Variants in PTPRN2 observed in about 807,000 individuals in gnomAD.
PTPRN2 encodes receptor-type tyrosine-protein phosphatase N2.
In PTPRN2, 74 loss-of-function variants were observed where a neutral mutation model predicts 118.8. That is an observed-to-expected ratio of 0.62 (90% CI 0.52 to 0.76). The LOEUF (loss-of-function observed/expected upper bound fraction) is 0.76, where lower values mean the gene tolerates loss of function less well. Among genes scored for constraint, PTPRN2 ranks in the 30% least tolerant of loss-of-function variants. The probability of loss-of-function intolerance (pLI) is 0.00; values close to 1 mark genes in which losing one functional copy is unlikely to be tolerated. For missense variants in PTPRN2, 1,481 were observed against 1,394.4 expected (o/e 1.06, Z -0.99); for synonymous variants, 641 against 608.0 (o/e 1.05, Z -0.80).
intron 2 of PTPRN2, among the ~76,000 whole-genome samples, chr7:158,379,133 C>T (rs1810766032): frequency 1.3e-5 from 2 of 152,118 alleles, no homozygotes; most frequent in Non-Finnish European, 2.9e-5. Context: ...GGAGAGCCCC[C>T]AGAGTGGGGA....
intron 2 of PTPRN2, among the ~76,000 whole-genome samples, chr7:158,480,094 C>A (rs1228165270): frequency 1.3e-5 from 2 of 152,156 alleles, no homozygotes; most frequent in East Asian, 1.9e-4. Flanking sequence ...AGGAGCACGA[C>A]CTTCCTAGGA....
At chr7:157,711,832 A>G (rs912925500) in intron 12 of PTPRN2, among the ~76,000 whole-genome samples, 4 of 151,478 alleles carry the variant, frequency 2.6e-5, no homozygotes, top group African/African-American at 9.7e-5. Context: ...CATTTAGTGC[A>G]TATATTCCTT....
chr7:158,067,004 G>C (rs117827085), intron 11 of PTPRN2, among the ~76,000 whole-genome samples: 5 of 152,296 alleles, frequency 3.3e-5, no homozygotes, highest in Non-Finnish European at 7.4e-5. Context: ...AGGTTGAAAG[G>C]TTAGAGCTGG....
intron 12 of PTPRN2, among the ~76,000 whole-genome samples, chr7:157,804,218 T>A (rs1158039474): frequency 1.3e-5 from 2 of 152,240 alleles, no homozygotes; most frequent in Non-Finnish European, 2.9e-5. Flanking sequence ...CATAGTTTGG[T>A]GGCATACAGC....
intron 12 of PTPRN2, among the ~76,000 whole-genome samples, chr7:157,783,089 C>T (rs1470410896): frequency 6.6e-6 from 1 of 152,166 alleles, no homozygotes; most frequent in African/African-American, 2.4e-5. Context: ...CCCCTTTGCT[C>T]GGCACTTCTC....
chr7:158,521,601 G>C lies in PTPRN2; in HGVS notation c.113-31816C>G, dbSNP rs868402613. ...GGGGGAGGTCCACGTCACAATGGTG[G>C]ACTGTCCAGGTAGTGGCTCAGGAGG... On this transcript the variant is annotated intron_variant, in intron 1 of 22. Transcript: ENST00000389418. Among the ~76,000 whole-genome samples the C allele has an allele frequency of 1.9e-4, 25 of 130,712 alleles. 2 individuals are homozygous for C. Among genetic ancestry groups the C allele is most frequent in the Admixed American group, 3.9e-4 (5 of 12,884 alleles). 85.8% of individuals were successfully genotyped at this position (130,712 alleles called of 152,430 possible).
In PTPRN2 at chr7:158,146,933, G is replaced by A. The variant is rs1405100365; in HGVS notation, c.911-8418C>T. 2.5e-3 allele frequency among the ~76,000 whole-genome samples: 370 copies of A among 150,454 alleles called. 11 individuals are homozygous for A. The highest frequency in any genetic ancestry group is 8.4e-3 in the African/African-American group (342 of 40,758). Reference sequence around the variant, plus strand: ...GAGACTGAATGACACCCCATCTCACGCCACGTGTCTTTCCCCCTCAATGAC... The same window carrying A: ...GAGACTGAATGACACCCCATCTCACACCACGTGTCTTTCCCCCTCAATGAC... On this transcript the variant is annotated intron_variant, in intron 6 of 22. Transcript: ENST00000389418.
At chr7:158,318,701 G>A (rs1802556052) in intron 2 of PTPRN2, among the ~76,000 whole-genome samples, 1 of 152,250 alleles carries the variant, frequency 6.6e-6, no homozygotes, top group Non-Finnish European at 1.5e-5. Context: ...CAGTGACGGT[G>A]CCGGCTGCCT....
intron 5 of PTPRN2, among the ~76,000 whole-genome samples, chr7:158,177,287 T>C (rs1335828581): frequency 6.6e-6 from 1 of 152,210 alleles, no homozygotes; most frequent in Admixed American, 6.5e-5. Context: ...TCTAGTGACA[T>C]GAAGTGGTTG....
chr7:158,375,094 C>T (rs980598483), intron 2 of PTPRN2, among the ~76,000 whole-genome samples: 4 of 151,550 alleles, frequency 2.6e-5, no homozygotes, highest in South Asian at 4.1e-4. Context: ...ATGGGGGAAA[C>T]CAGCTCTCAG....
chr7:158,298,614 C>T (rs2151039400), intron 3 of PTPRN2, among the ~76,000 whole-genome samples: 1 of 152,326 alleles, frequency 6.6e-6, no homozygotes, highest in African/African-American at 2.4e-5. Flanking sequence ...GGGAGGCCAC[C>T]TCTGAAGGAA....
At chr7:157,722,241 C>A (rs368662636) in intron 12 of PTPRN2, among the ~76,000 whole-genome samples, 2 of 152,262 alleles carry the variant, frequency 1.3e-5, no homozygotes, top group African/African-American at 4.8e-5. Flanking sequence ...GTGCCATGTG[C>A]CTCATATGCT....
In PTPRN2 at chr7:157,599,620, A is replaced by C. The variant is rs577710462; in HGVS notation, c.2419-4305T>G. Reference sequence around the variant, plus strand: ...TCAGGACCACTGGACTGTGTCCTGCAGTCCTCAACAGCCTCCATGGTGGCA... The same window carrying C: ...TCAGGACCACTGGACTGTGTCCTGCCGTCCTCAACAGCCTCCATGGTGGCA... On this transcript the variant is annotated intron_variant, in intron 16 of 22. Coordinates refer to ENST00000389418, the MANE Select transcript of PTPRN2 (RefSeq NM_002847.5). Among the ~76,000 whole-genome samples the C allele has an allele frequency of 3.3e-5, 5 of 152,342 alleles. No individual in the cohort carries two copies. The South Asian group carries it at 8.3e-4, about 25-fold the overall frequency.
intron 19 of PTPRN2, chr7:157,574,534 G>GAT: frequency 3.3e-6 from 1 of 306,976 alleles, no homozygotes. Flanking sequence ...GAGAGAGAGA[G>GAT]AGTTTTTAAA....
chr7:158,457,208 C>T (rs1408768179), intron 2 of PTPRN2, among the ~76,000 whole-genome samples: 1 of 152,168 alleles, frequency 6.6e-6, no homozygotes, highest in African/African-American at 2.4e-5. Context: ...GACCCCTTTC[C>T]TGATGCTTAT....
intron 5 of PTPRN2, among the ~76,000 whole-genome samples, chr7:158,177,325 C>T (rs1202721355): frequency 6.6e-6 from 1 of 152,070 alleles, no homozygotes; most frequent in Non-Finnish European, 1.5e-5. Flanking sequence ...AATAAGGATG[C>T]TAAGCACCTT....
intron 20 of PTPRN2, 94 bp from the exon 21 acceptor site, chr7:157,569,060 CG>C (rs112570350): frequency 1.7e-6 from 2 of 1,202,086 alleles, no homozygotes; most frequent in East Asian, 2.3e-5. Flanking sequence ...TTCCTGCTTA[CG>C]GGGGCCGGCG....
intron 12 of PTPRN2, among the ~76,000 whole-genome samples, chr7:157,762,663 G>A (rs1169715154): frequency 6.6e-6 from 1 of 151,520 alleles, no homozygotes; most frequent in African/African-American, 2.4e-5. Flanking sequence ...GTTAGTGGGT[G>A]CAGCGCACCA....
At chr7:157,825,970 G>T (rs146432479) in intron 12 of PTPRN2, among the ~76,000 whole-genome samples, 45 of 152,298 alleles carry the variant, frequency 3.0e-4, no homozygotes, top group African/African-American at 1.0e-3. Context: ...TTGGAGAAGC[G>T]CAAGTGCTTT....
Sources: gnomAD v4.1 joint callset for allele counts (sites outside exome capture counted in the v4.1 genomes callset) on GRCh38, gnomAD v4.1.1 for gene constraint, MANE v1.5 for transcripts, NCBI Gene and HGNC (gene_info 2026-07-23, HGNC 2026-07-21) for gene names.